The following XRCC4 variants were observed in gnomAD, a reference collection of about 807,000 sequenced individuals.
XRCC4 encodes DNA repair protein XRCC4.
XRCC4 carries 28 observed loss-of-function variants against 39.1 expected under a neutral mutation model. The ratio of observed to expected loss-of-function variants is 0.72; its 90% CI spans 0.53 to 0.98. XRCC4 has a LOEUF of 0.98. Among genes scored for constraint, XRCC4 ranks in the 50% least tolerant of loss-of-function variants. The pLI, the probability that XRCC4 is intolerant of heterozygous loss-of-function variation, is 0.00. For synonymous variants in XRCC4, 123 were observed against 126.4 expected (o/e 0.97, Z 0.18); for missense variants, 350 against 376.4 (o/e 0.93, Z 0.58).
At chr5:83,142,408 G>A (rs866787242) in intron 3 of XRCC4, among the ~76,000 whole-genome samples, 1 of 152,136 alleles carries the variant, frequency 6.6e-6, no homozygotes. Context: ...AACACAGGTG[G>A]TGTGGCTTCA....
chr5:83,126,453 T>C lies in XRCC4; in HGVS notation c.315+15250T>C, dbSNP rs188171511. 3.3e-5 allele frequency among the ~76,000 whole-genome samples: 5 copies of C among 152,304 alleles called. 1 individual carries two copies. The highest frequency in any genetic ancestry group is 3.4e-3 in the Middle Eastern group (1 of 294). ...GTTTGCTTTTAAGATTCTTTGAGAA[T>C]TTTTTCTGTAAACAGTGATGTTATC... On this transcript the variant is annotated intron_variant, in intron 3 of 7. Transcript: ENST00000396027.
At chr5:83,339,036 C>T (rs1187586886) in intron 7 of XRCC4, among the ~76,000 whole-genome samples, 2 of 150,608 alleles carry the variant, frequency 1.3e-5, no homozygotes, top group African/African-American at 4.9e-5. Flanking sequence ...ACTGTGTCCC[C>T]ACAGCTTGTG....
chr5:83,093,232 A>G (rs1580206185), intron 1 of XRCC4, among the ~76,000 whole-genome samples: 1 of 152,218 alleles, frequency 6.6e-6, no homozygotes, highest in East Asian at 1.9e-4. Context: ...GGCATTATAT[A>G]ATGATAAAGT....
chr5:83,356,515 A>G (rs934990800), downstream of XRCC4, among the ~76,000 whole-genome samples: 2 of 152,294 alleles, frequency 1.3e-5, no homozygotes, highest in Middle Eastern at 6.8e-3. Context: ...CTTTTCAATC[A>G]TTGCTGTGTG....
chr5:83,178,300 A>T (rs1308172509), intron 3 of XRCC4, among the ~76,000 whole-genome samples: 1 of 152,166 alleles, frequency 6.6e-6, no homozygotes, highest in Non-Finnish European at 1.5e-5. Context: ...CAGAATACTG[A>T]TCTGGACTAG....
chr5:83,328,731 A>C (rs1756344805), intron 7 of XRCC4, among the ~76,000 whole-genome samples: 1 of 152,202 alleles, frequency 6.6e-6, no homozygotes, highest in East Asian at 1.9e-4. Flanking sequence ...AACTTTATCT[A>C]CCAGAATCAT....
intron 3 of XRCC4, among the ~76,000 whole-genome samples, chr5:83,147,413 A>C (rs1748507542): frequency 6.6e-6 from 1 of 152,236 alleles, no homozygotes; most frequent in South Asian, 2.1e-4. Context: ...TAACATGGAT[A>C]AACCTGGAGG....
At chr5:83,205,352 C>T (rs1751376571) in intron 6 of XRCC4, among the ~76,000 whole-genome samples, 1 of 152,052 alleles carries the variant, frequency 6.6e-6, no homozygotes. Context: ...CCTTCTTTCA[C>T]TCTTCAGAAA....
intron 7 of XRCC4, among the ~76,000 whole-genome samples, chr5:83,313,420 A>G (rs921025239): frequency 6.6e-6 from 1 of 152,106 alleles, no homozygotes; most frequent in Non-Finnish European, 1.5e-5. Flanking sequence ...GACTTTCCAT[A>G]GTACATGTAA....
chr5:83,359,460 A>G, the XRCC4 span, among the ~76,000 whole-genome samples: 1 of 152,144 alleles, frequency 6.6e-6, no homozygotes, highest in Non-Finnish European at 1.5e-5. Context: ...AAATTACCAG[A>G]GAATGCTGTT....
At chr5:83,321,209 A>G (rs1756061867) in intron 7 of XRCC4, among the ~76,000 whole-genome samples, 1 of 152,164 alleles carries the variant, frequency 6.6e-6, no homozygotes, top group Admixed American at 6.6e-5. Flanking sequence ...GACTCACTTT[A>G]TTGAGATTTT....
intron 7 of XRCC4, among the ~76,000 whole-genome samples, chr5:83,296,704 GC>G (rs1429079325): frequency 6.6e-6 from 1 of 151,842 alleles, no homozygotes; most frequent in African/African-American, 2.4e-5. Context: ...TAAAAATTTG[GC>G]CCTCTGGAAA....
chr5:83,315,900 T>G lies in XRCC4; in HGVS notation c.894-37231T>G, dbSNP rs552499688. Among the ~76,000 whole-genome samples, 19 of 152,260 alleles carry G rather than the reference T, an allele frequency of 1.2e-4. 1 individual carries two copies. In the South Asian group the frequency reaches 3.9e-3, roughly 32 times the overall value. On this transcript the variant is annotated intron_variant, in intron 7 of 7. Transcript: ENST00000396027. ...TGAATGAGTAATTTTGACTTTCAAG[T>G]CTTATTATTTCAGAATTACATTTTG...
At chr5:83,277,959 A>G (rs1484448233) in intron 7 of XRCC4, among the ~76,000 whole-genome samples, 1 of 152,250 alleles carries the variant, frequency 6.6e-6, no homozygotes, top group Non-Finnish European at 1.5e-5. Flanking sequence ...TAATAAAAGC[A>G]TTTAATATTT....
chr5:83,372,854 T>C, the XRCC4 span, among the ~76,000 whole-genome samples: 1 of 152,210 alleles, frequency 6.6e-6, no homozygotes, highest in Non-Finnish European at 1.5e-5. Context: ...TTTAATGTTT[T>C]AATAGTTGTT....
the XRCC4 span, among the ~76,000 whole-genome samples, chr5:83,372,591 T>C: frequency 6.6e-6 from 1 of 152,226 alleles, no homozygotes; most frequent in African/African-American, 2.4e-5. Context: ...TAATATGTCA[T>C]ACACACACAT....
chr5:83,081,918 T>C (rs528145981), intron 1 of XRCC4, among the ~76,000 whole-genome samples: 3 of 152,308 alleles, frequency 2.0e-5, no homozygotes, highest in Non-Finnish European at 4.4e-5. Context: ...TCCCAAACCT[T>C]TCCCATTCTT....
intron 7 of XRCC4, among the ~76,000 whole-genome samples, chr5:83,277,190 T>G (rs949128524): frequency 1.3e-5 from 2 of 152,228 alleles, no homozygotes; most frequent in African/African-American, 4.8e-5. Context: ...AGCAATTTTT[T>G]GGGTAACTGT....
At chr5:83,105,796 G>T (rs1486060455) in intron 2 of XRCC4, among the ~76,000 whole-genome samples, 2 of 151,742 alleles carry the variant, frequency 1.3e-5, no homozygotes, top group Admixed American at 1.3e-4. Flanking sequence ...TGTGAATAAT[G>T]TTTTCTGTAA....
Sources: allele counts gnomAD v4.1 joint callset (sites outside exome capture counted in the v4.1 genomes callset), GRCh38; gene constraint gnomAD v4.1.1; transcripts MANE v1.5; gene names NCBI Gene and HGNC (gene_info 2026-07-23, HGNC 2026-07-21).